The following EARS2 variants were observed in gnomAD, a reference collection of about 807,000 sequenced individuals.
EARS2 encodes glutamyl-tRNA synthetase 2, mitochondrial.
In EARS2, 50 loss-of-function variants were observed where a neutral mutation model predicts 54.1. The ratio of observed to expected loss-of-function variants is 0.92; its 90% CI spans 0.74 to 1.17. The LOEUF (loss-of-function observed/expected upper bound fraction) is 1.17, where lower values mean the gene tolerates loss of function less well. EARS2 is among the 50% of genes most tolerant of loss of function. The probability of loss-of-function intolerance (pLI) is 0.00; values close to 1 mark genes in which losing one functional copy is unlikely to be tolerated. For missense variants in EARS2, 673 were observed against 675.0 expected (o/e 1.00, Z 0.03); for synonymous variants, 298 against 281.0 (o/e 1.06, Z -0.61).
intron 7 of EARS2, among the ~76,000 whole-genome samples, chr16:23,527,569 T>C (rs1965250800): frequency 6.7e-6 from 1 of 148,704 alleles, no homozygotes; most frequent in African/African-American, 2.5e-5. Flanking sequence ...TTTTTTTTTT[T>C]TTGAGACAGA....
intron 1 of EARS2, chr16:23,553,091 G>T: frequency 2.7e-6 from 1 of 370,454 alleles, no homozygotes; most frequent in South Asian, 1.9e-5. Context: ...TCACGCCTCT[G>T]CACTCCAGCC....
chr16:23,553,432 A>G (rs906802705), intron 1 of EARS2, among the ~76,000 whole-genome samples: 1 of 152,194 alleles, frequency 6.6e-6, no homozygotes, highest in Non-Finnish European at 1.5e-5. Context: ...AAAATTAATT[A>G]CAAACAAACT....
At chr16:23,544,933 C>T in intron 2 of EARS2, 1 of 413,146 alleles carries the variant, frequency 2.4e-6, no homozygotes, top group Non-Finnish European at 4.3e-6. Context: ...CCTCCACCTC[C>T]CAAGTTCAAG....
At chr16:23,555,143 A>G (rs1198024823) in intron 1 of EARS2, among the ~76,000 whole-genome samples, 1 of 152,206 alleles carries the variant, frequency 6.6e-6, no homozygotes, top group South Asian at 2.1e-4. Flanking sequence ...TATTATTATT[A>G]GCCCCGTTTT....
rs544108817 is a variant in EARS2, at chr16:23,535,026, G to C, written c.820C>G (p.Leu274Val). 1 of 1,611,972 alleles carries C rather than the reference G, an allele frequency of 6.2e-7. No homozygotes were observed. Among genetic ancestry groups the C allele is most frequent in the Admixed American group, 1.7e-5 (1 of 59,806 alleles). The stretch of plus-strand genomic sequence containing the variant: ...CCATCCCTGTTGAGGAGCAGGGGCA[G>C]GTGGGCGAAGTGGGGTGGCTGCCAG... The part of the protein sequence containing the change: ...LGWQPPHFAH[L>V]PLLLNRDGSK... The change falls in exon 4 of 9, where the codon CTG becomes GTG. Residue 274 changes from leucine to valine, a missense_variant. By Grantham distance (32) the Leu-to-Val change is conservative. Transcript: ENST00000449606.
At chr16:23,544,860 G>A in intron 2 of EARS2, 157 bp from the exon 3 acceptor site, 1 of 663,158 alleles carries the variant, frequency 1.5e-6, no homozygotes, top group Non-Finnish European at 2.4e-6. Context: ...TTTTTTTGAG[G>A]CAGAGTCTTG....
intron 2 of EARS2, among the ~76,000 whole-genome samples, chr16:23,549,968 G>A (rs2142192529): frequency 6.6e-6 from 1 of 152,254 alleles, no homozygotes; most frequent in African/African-American, 2.4e-5. Flanking sequence ...CACCTCCTAA[G>A]AGAAAACTGC....
At chr16:23,538,096 TAATCGATAC>T (rs1965453687) in intron 3 of EARS2, among the ~76,000 whole-genome samples, 1 of 151,600 alleles carries the variant, frequency 6.6e-6, no homozygotes, top group African/African-American at 2.4e-5. Flanking sequence ...ACAGATATTC[TAATCGATAC>T]ATTGATGATG....
chr16:23,539,040 C>A (rs1017680134), intron 3 of EARS2, among the ~76,000 whole-genome samples: 8 of 134,224 alleles, frequency 6.0e-5, no homozygotes, highest in African/African-American at 2.0e-4. Flanking sequence ...TGCAGTGGCA[C>A]AATCTCAGCT....
At chr16:23,557,124 A>G in intron 1 of EARS2, 81 bp downstream of exon 1, 3 of 1,479,704 alleles carry the variant, frequency 2.0e-6, no homozygotes, top group Non-Finnish European at 1.8e-6. Context: ...ACACCACCGG[A>G]AAGGATTCAT....
intron 3 of EARS2, among the ~76,000 whole-genome samples, chr16:23,542,787 T>C (rs1268948058): frequency 2.0e-5 from 3 of 152,054 alleles, no homozygotes; most frequent in South Asian, 2.1e-4. Context: ...TTTTGTCTAA[T>C]GAACAAAAAT....
chr16:23,528,006 G>A (rs1597008042), intron 7 of EARS2, among the ~76,000 whole-genome samples: 1 of 152,158 alleles, frequency 6.6e-6, no homozygotes, highest in African/African-American at 2.4e-5. Context: ...CTTATGCACA[G>A]ATGAGTGCCT....
intron 2 of EARS2, among the ~76,000 whole-genome samples, chr16:23,549,918 G>A (rs1001462797): frequency 6.6e-6 from 1 of 152,120 alleles, no homozygotes; most frequent in African/African-American, 2.4e-5. Flanking sequence ...GGTCACCACG[G>A]GGCTGGCTCC....
chr16:23,524,645 CCTT>C (rs1390250699), intron 8 of EARS2, among the ~76,000 whole-genome samples, 191 bp from the exon 9 acceptor site: 2 of 148,276 alleles, frequency 1.3e-5, no homozygotes, highest in Middle Eastern at 6.5e-3. Flanking sequence ...CAACCACCGC[CCTT>C]TTTTTTTTTT....
chr16:23,547,569 G>A (rs190605992), intron 2 of EARS2, among the ~76,000 whole-genome samples: 3 of 152,168 alleles, frequency 2.0e-5, no homozygotes, highest in East Asian at 1.9e-4. Context: ...GCAGTGGCAC[G>A]ATCTCGGCTC....
At chr16:23,533,917 G>C (rs576722641) in intron 4 of EARS2, among the ~76,000 whole-genome samples, 1 of 152,242 alleles carries the variant, frequency 6.6e-6, no homozygotes, top group East Asian at 1.9e-4. Flanking sequence ...TTAGCCAAGC[G>C]TGGTGGCGGG....
At chr16:23,536,723 C>T (rs1382723766) in intron 3 of EARS2, among the ~76,000 whole-genome samples, 1 of 147,186 alleles carries the variant, frequency 6.8e-6, no homozygotes, top group African/African-American at 2.5e-5. Context: ...CGCTGTGTCA[C>T]CCAGGCTGGA....
chr16:23,544,632 G>T lies in EARS2; in HGVS notation c.367C>A (p.Leu123Met). Residue 123 changes from leucine (L) to methionine (M), a missense_variant, in exon 3 of 9, where the codon CTG becomes ATG. This residue lies in a region of EARS2 where 316 missense variants were observed against 275.2 expected (regional missense o/e 1.15). Transcript: ENST00000449606. ...GPYQQSQRLE[L>M]YAQATEALLK... is the part of the protein sequence containing the mutation. ...AGCGCTTCTGTGGCCTGGGCATACA[G>T]CTCCAACCGCTGAGATTGCTGGTAG... 1 of 1,612,436 alleles carries T rather than the reference G, an allele frequency of 6.2e-7. No individual in the cohort carries two copies. Among genetic ancestry groups the T allele is most frequent in the Non-Finnish European group, 8.5e-7 (1 of 1,179,618 alleles).
rs1164360706 is a variant in EARS2, at chr16:23,535,339, G to A, written c.507C>T (p.Asn169=). The change falls in exon 4 of 9, where the codon AAC becomes AAT. Residue 169 remains asparagine, a synonymous_variant. Transcript: ENST00000449606. ...TCTGGGCCACCTGCTCCTGGCTCAT[G>A]TTCCTGCACCGATTGTCATACCTGA... The part of the protein sequence containing the change: ...QTPRYDNRCR[N]MSQEQVAQKL... 6.3e-7 allele frequency: 1 copy of A among 1,599,674 alleles called. No homozygotes were observed. Among genetic ancestry groups the A allele is most frequent in the African/African-American group, 1.3e-5 (1 of 74,986 alleles).
Sources: allele counts gnomAD v4.1 joint callset (sites outside exome capture counted in the v4.1 genomes callset), GRCh38; gene constraint gnomAD v4.1.1; regional missense constraint gnomAD v4.1.1; transcripts MANE v1.5; gene names NCBI Gene and HGNC (gene_info 2026-07-23, HGNC 2026-07-21).